The following BMPER variants were observed in gnomAD, a reference collection of about 807,000 sequenced individuals.
BMPER encodes BMP binding endothelial regulator, also known as BMP-binding endothelial regulator protein.
Under a neutral mutation model 87.3 loss-of-function variants are expected in BMPER, and 45 were observed. The observed-to-expected ratio is 0.52, with a 90% CI of 0.41 to 0.66. The LOEUF (loss-of-function observed/expected upper bound fraction) is 0.66, where lower values mean the gene tolerates loss of function less well. Among genes scored for constraint, BMPER ranks in the 30% least tolerant of loss-of-function variants. The pLI, the probability that BMPER is intolerant of heterozygous loss-of-function variation, is 0.00. For synonymous variants in BMPER, 326 were observed against 316.2 expected (o/e 1.03, Z -0.33); for missense variants, 784 against 867.5 (o/e 0.90, Z 1.21).
intron 6 of BMPER, among the ~76,000 whole-genome samples, chr7:34,037,123 G>T (rs933220005): frequency 6.6e-6 from 1 of 152,086 alleles, no homozygotes; most frequent in African/African-American, 2.4e-5. Flanking sequence ...ATTGCTTGAG[G>T]CTGAGAGTTT....
chr7:34,115,527 C>T (rs577107568), intron 13 of BMPER, among the ~76,000 whole-genome samples: 1 of 152,164 alleles, frequency 6.6e-6, no homozygotes, highest in Non-Finnish European at 1.5e-5. Context: ...CCTTGGTAAC[C>T]ACTAATCTAC....
At chr7:34,046,661 T>TCCCTTA (rs751995383) in intron 7 of BMPER, among the ~76,000 whole-genome samples, 6 of 152,196 alleles carry the variant, frequency 3.9e-5, no homozygotes, top group Non-Finnish European at 5.9e-5. Context: ...GGGGTAATTC[T>TCCCTTA]CCCTTGTGGT....
chr7:34,030,225 T>G (rs1585754379), intron 6 of BMPER, among the ~76,000 whole-genome samples: 1 of 152,078 alleles, frequency 6.6e-6, no homozygotes, highest in Non-Finnish European at 1.5e-5. Context: ...TAACTAATAA[T>G]TGTCAGCAAG....
chr7:33,982,500 GAA>G (rs758951071), intron 6 of BMPER, among the ~76,000 whole-genome samples: 1 of 134,670 alleles, frequency 7.4e-6, no homozygotes. Flanking sequence ...ACAGTCAATT[GAA>G]AAAAAAAAAA....
chr7:34,035,268 A>C (rs1787632156), intron 6 of BMPER, among the ~76,000 whole-genome samples: 1 of 152,308 alleles, frequency 6.6e-6, no homozygotes, highest in East Asian at 1.9e-4. Flanking sequence ...TTAAAATTTT[A>C]GGAAATTGCC....
intron 8 of BMPER, among the ~76,000 whole-genome samples, chr7:34,052,744 C>G (rs1483676529): frequency 3.3e-5 from 5 of 152,120 alleles, no homozygotes; most frequent in Admixed American, 3.3e-4. Context: ...TCAATATCAG[C>G]TATGAGTCAA....
intron 11 of BMPER, among the ~76,000 whole-genome samples, chr7:34,065,241 T>TCTCTCTCTCTCTCC (rs1562720549): frequency 2.6e-4 from 39 of 147,724 alleles, no homozygotes; most frequent in African/African-American, 9.3e-4. Flanking sequence ...TCTCTCTCTC[T>TCTCTCTCTCTCTCC]CTCTCTCCCT....
chr7:34,003,911 T>A (rs1786656029), intron 6 of BMPER, among the ~76,000 whole-genome samples: 1 of 152,136 alleles, frequency 6.6e-6, no homozygotes, highest in Non-Finnish European at 1.5e-5. Context: ...TGCTTGAAGT[T>A]TATTGAATTT....
At chr7:34,011,615 G>GAAAAAA (rs1786883032) in intron 6 of BMPER, among the ~76,000 whole-genome samples, 1 of 120,486 alleles carries the variant, frequency 8.3e-6, no homozygotes, top group East Asian at 2.4e-4. Context: ...GAAAAAAAAA[G>GAAAAAA]AAAGAAAAAA....
chr7:34,145,069 G>A (rs1379741746), intron 14 of BMPER, among the ~76,000 whole-genome samples: 2 of 152,196 alleles, frequency 1.3e-5, no homozygotes, highest in Non-Finnish European at 2.9e-5. Flanking sequence ...AAATAAACCA[G>A]GAACCTAAGC....
At chr7:33,997,008 G>A (rs536539814) in intron 6 of BMPER, among the ~76,000 whole-genome samples, 3 of 152,218 alleles carry the variant, frequency 2.0e-5, no homozygotes, top group Non-Finnish European at 2.9e-5. Flanking sequence ...CTATCTTGGG[G>A]GATAAGGAAG....
intron 3 of BMPER, among the ~76,000 whole-genome samples, chr7:33,950,818 A>T (rs1354117389): frequency 6.6e-6 from 1 of 152,116 alleles, no homozygotes; most frequent in South Asian, 2.1e-4. Flanking sequence ...AATTCTACCA[A>T]CCATACCCAG....
At chr7:34,064,877 T>C (rs1215586254) in intron 11 of BMPER, among the ~76,000 whole-genome samples, 9 of 152,226 alleles carry the variant, frequency 5.9e-5, no homozygotes, top group Non-Finnish European at 1.2e-4. Flanking sequence ...TGGGATGACT[T>C]CCAATTTTTA....
intron 6 of BMPER, among the ~76,000 whole-genome samples, chr7:33,997,655 G>T (rs2127932584): frequency 6.6e-6 from 1 of 152,296 alleles, no homozygotes; most frequent in Middle Eastern, 3.4e-3. Context: ...TTATAGCAGT[G>T]TGAAAACGGA....
intron 6 of BMPER, among the ~76,000 whole-genome samples, 181 bp from the exon 7 acceptor site, chr7:34,046,125 G>C (rs1326216178): frequency 1.3e-5 from 2 of 152,166 alleles, no homozygotes; most frequent in Non-Finnish European, 2.9e-5. Flanking sequence ...TTTTGCAGCT[G>C]CAATTTGTAT....
At chr7:34,127,346 C>G (rs1362451) in intron 13 of BMPER, among the ~76,000 whole-genome samples, 116,083 of 152,126 alleles carry the variant, frequency 0.76, 44,889 homozygotes, top group East Asian at 0.95. Flanking sequence ...GAGCTGGCTT[C>G]TATTGTCCCC....
intron 12 of BMPER, among the ~76,000 whole-genome samples, chr7:34,085,000 G>C (rs1162511596): frequency 1.3e-5 from 2 of 152,212 alleles, no homozygotes. Context: ...TGCACAAGAA[G>C]AACTCTTGCC....
chr7:34,124,398 A>G (rs1009484443), intron 13 of BMPER, among the ~76,000 whole-genome samples: 4 of 151,332 alleles, frequency 2.6e-5, no homozygotes, highest in African/African-American at 7.3e-5. Flanking sequence ...ATATCTCTCC[A>G]TTTACACAGT....
At chr7:33,996,602 G>A (rs1361643641) in intron 6 of BMPER, among the ~76,000 whole-genome samples, 1 of 152,096 alleles carries the variant, frequency 6.6e-6, no homozygotes, top group Non-Finnish European at 1.5e-5. Flanking sequence ...TTTATGATGG[G>A]AAGGTCTACC....
Sources: gnomAD v4.1 joint callset for allele counts (sites outside exome capture counted in the v4.1 genomes callset) on GRCh38, gnomAD v4.1.1 for gene constraint, MANE v1.5 for transcripts, NCBI Gene and HGNC (gene_info 2026-07-23, HGNC 2026-07-21) for gene names.